The following ATP8A2 variants were observed in gnomAD, a reference collection of about 807,000 sequenced individuals.
ATP8A2 encodes ATPase phospholipid transporting 8A2, also known as phospholipid-transporting ATPase IB.
Under a neutral mutation model 165.6 loss-of-function variants are expected in ATP8A2, and 100 were observed. The ratio of observed to expected loss-of-function variants is 0.60; its 90% CI spans 0.51 to 0.71. The LOEUF is 0.71. Among genes scored for constraint, ATP8A2 ranks in the 30% least tolerant of loss-of-function variants. ATP8A2 has a pLI of 0.00. For synonymous variants in ATP8A2, 543 were observed against 548.8 expected (o/e 0.99, Z 0.15); for missense variants, 1,227 against 1,479.5 (o/e 0.83, Z 2.80).
chr13:25,575,340 G>A (rs1023578740), intron 19 of ATP8A2, among the ~76,000 whole-genome samples: 1 of 152,214 alleles, frequency 6.6e-6, no homozygotes, highest in African/African-American at 2.4e-5. Flanking sequence ...TTATTCGGAA[G>A]CATTCTTCCC....
At chr13:25,755,585 T>C (rs1417545395) in intron 25 of ATP8A2, among the ~76,000 whole-genome samples, 1 of 152,178 alleles carries the variant, frequency 6.6e-6, no homozygotes, top group African/African-American at 2.4e-5. Context: ...AGTGTGAATA[T>C]GTAATATAAT....
At chr13:25,526,369 G>A (rs951909793) in intron 2 of ATP8A2, among the ~76,000 whole-genome samples, 30 of 152,242 alleles carry the variant, frequency 2.0e-4, no homozygotes, top group African/African-American at 7.2e-4. Context: ...ATGAATGTAT[G>A]TGTATATGTT....
intron 28 of ATP8A2, among the ~76,000 whole-genome samples, chr13:25,831,565 G>A (rs760731477): frequency 7.9e-5 from 12 of 152,072 alleles, no homozygotes; most frequent in Non-Finnish European, 1.5e-4. Flanking sequence ...ACTTGAGGCC[G>A]GGCGTGTTGG....
chr13:25,905,421 T>G (rs1410582493), intron 33 of ATP8A2, among the ~76,000 whole-genome samples: 2 of 152,026 alleles, frequency 1.3e-5, no homozygotes, highest in African/African-American at 4.8e-5. Context: ...ATATGCTCTC[T>G]CTCTCTCTCT....
chr13:25,727,004 A>G (rs971706065), intron 25 of ATP8A2, among the ~76,000 whole-genome samples: 1 of 151,882 alleles, frequency 6.6e-6, no homozygotes, highest in South Asian at 2.1e-4. Context: ...CGTTGTCTTG[A>G]TTTTCCGTGT....
chr13:25,673,209 C>T (rs2042302849), intron 24 of ATP8A2, among the ~76,000 whole-genome samples: 1 of 152,184 alleles, frequency 6.6e-6, no homozygotes, highest in Admixed American at 6.5e-5. Context: ...CTCACTGTTC[C>T]TGTGATTTTC....
Position 25,651,473 on chromosome 13 carries a change from C to T in ATP8A2, c.2212-47700C>T, listed in dbSNP as rs571747175. Among the ~76,000 whole-genome samples, 5 of 151,966 alleles carry T rather than the reference C, an allele frequency of 3.3e-5. No individual in the cohort carries two copies. In the South Asian group the frequency reaches 1.0e-3, roughly 31 times the overall value. ...AAAAATTATTCATACATTCTCATTT[C>T]TTAGAAGTCAGGCTGTTATAGTAAG... On this transcript the variant is annotated intron_variant, in intron 24 of 36. Coordinates refer to ENST00000381655, the MANE Select transcript of ATP8A2 (RefSeq NM_016529.6).
intron 2 of ATP8A2, among the ~76,000 whole-genome samples, chr13:25,520,594 T>TG (rs2037632132): frequency 6.7e-6 from 1 of 148,498 alleles, no homozygotes; most frequent in African/African-American, 2.5e-5. Flanking sequence ...ATTTTTAGTT[T>TG]TTTTTTTTTT....
At chr13:25,813,311 C>G (rs1216047213) in intron 27 of ATP8A2, among the ~76,000 whole-genome samples, 2 of 147,256 alleles carry the variant, frequency 1.4e-5, no homozygotes, top group Non-Finnish European at 3.0e-5. Context: ...GTAAGGTCTT[C>G]AGGGCACTGC....
chr13:25,736,676 G>T (rs113950692), intron 25 of ATP8A2, among the ~76,000 whole-genome samples: 1 of 152,192 alleles, frequency 6.6e-6, no homozygotes, highest in African/African-American at 2.4e-5. Context: ...GTACATGAAT[G>T]AATGAATGTG....
chr13:26,012,549 C>G lies in ATP8A2; in HGVS notation c.3396C>G (p.Arg1132=), dbSNP rs1956871312. 6.5e-7 allele frequency: 1 copy of G among 1,540,718 alleles called. No individual in the cohort carries two copies. Among genetic ancestry groups the G allele is most frequent in the Non-Finnish European group, 8.8e-7 (1 of 1,142,454 alleles). ...SNGKRLNERD[R]LIKRLGRKTP... is the part of the protein sequence containing the mutation. ...TCCGCAGGCTGAACGAGCGCGACCG[C>G]CTGATCAAGAGGCTGGGCCGGAAGA... The change falls in exon 36 of 37, where the codon CGC becomes CGG. Residue 1132 remains arginine, a synonymous_variant. Coordinates refer to ENST00000381655, the MANE Select transcript of ATP8A2 (RefSeq NM_016529.6).
At chr13:25,973,691 A>AAAAC (rs1955963161) in intron 35 of ATP8A2, among the ~76,000 whole-genome samples, 1 of 152,250 alleles carries the variant, frequency 6.6e-6, no homozygotes, top group Non-Finnish European at 1.5e-5. Flanking sequence ...CAGTGTTGAA[A>AAAAC]AAACTGTTTA....
chr13:26,016,175 T>C (rs1377567929), intron 36 of ATP8A2, among the ~76,000 whole-genome samples: 3 of 152,246 alleles, frequency 2.0e-5, no homozygotes, highest in Non-Finnish European at 4.4e-5. Flanking sequence ...TAGAGTCCAC[T>C]TTCATTCTCG....
intron 36 of ATP8A2, among the ~76,000 whole-genome samples, chr13:26,015,307 G>A (rs1343175536): frequency 6.6e-6 from 1 of 152,094 alleles, no homozygotes; most frequent in Non-Finnish European, 1.5e-5. Context: ...GGTGCAGGAT[G>A]GGCATATAGC....
At chr13:25,915,341 T>A (rs1454867929) in intron 33 of ATP8A2, among the ~76,000 whole-genome samples, 3 of 152,172 alleles carry the variant, frequency 2.0e-5, no homozygotes, top group African/African-American at 7.2e-5. Flanking sequence ...ATTAAAGGAA[T>A]TCATTGCAGA....
chr13:25,429,748 G>C (rs1255925903), intron 1 of ATP8A2, among the ~76,000 whole-genome samples: 3 of 152,232 alleles, frequency 2.0e-5, no homozygotes, highest in Admixed American at 1.3e-4. Flanking sequence ...GGCCTTGTCT[G>C]ATGCGCTGAG....
At chr13:25,503,736 G>A (rs2036931186) in intron 2 of ATP8A2, among the ~76,000 whole-genome samples, 1 of 152,076 alleles carries the variant, frequency 6.6e-6, no homozygotes, top group Non-Finnish European at 1.5e-5. Flanking sequence ...GAAAATTAAG[G>A]TCCTCGGGTT....
chr13:25,975,111 G>A (rs1956002977), intron 35 of ATP8A2, among the ~76,000 whole-genome samples: 1 of 152,080 alleles, frequency 6.6e-6, no homozygotes. Context: ...ATACGATGGT[G>A]TTGCACTGTG....
At chr13:26,006,358 C>G (rs191303307) in intron 35 of ATP8A2, among the ~76,000 whole-genome samples, 4 of 151,860 alleles carry the variant, frequency 2.6e-5, no homozygotes, top group Admixed American at 2.6e-4. Flanking sequence ...ATTGGTTCAC[C>G]TGGTATCCTG....
Sources: gnomAD v4.1 joint callset for allele counts (sites outside exome capture counted in the v4.1 genomes callset) on GRCh38, gnomAD v4.1.1 for gene constraint, MANE v1.5 for transcripts, NCBI Gene and HGNC (gene_info 2026-07-23, HGNC 2026-07-21) for gene names.